Variants in TAMM41 observed in about 807,000 individuals in gnomAD.
TAMM41 encodes TAM41 mitochondrial translocator assembly and maintenance homolog, also known as phosphatidate cytidylyltransferase, mitochondrial.
In TAMM41, 36 loss-of-function variants were observed where a neutral mutation model predicts 44.1. That is an observed-to-expected ratio of 0.82 (90% confidence interval 0.63 to 1.08). The LOEUF (loss-of-function observed/expected upper bound fraction) is 1.08. TAMM41 is among the 50% of genes least tolerant of loss of function. TAMM41 has a pLI of 0.00. For missense variants in TAMM41, 417 were observed against 404.3 expected (o/e 1.03, Z -0.27); for synonymous variants, 164 against 153.1 (o/e 1.07, Z -0.53).
intron 3 of TAMM41, among the ~76,000 whole-genome samples, chr3:11,831,258 G>A (rs1240373935): frequency 6.6e-6 from 1 of 152,074 alleles, no homozygotes; most frequent in Admixed American, 6.5e-5. Flanking sequence ...AGGAGGCCTC[G>A]GTGAGGGCTG....
the TAMM41 span, among the ~76,000 whole-genome samples, chr3:11,723,463 C>T: frequency 6.6e-6 from 1 of 152,016 alleles, no homozygotes; most frequent in South Asian, 2.1e-4. Context: ...GCCTGTAAGT[C>T]CCAGCTACTT....
At chr3:11,844,271 G>A in intron 1 of TAMM41, 60 bp from the exon 2 acceptor site, 5 of 1,518,828 alleles carry the variant, frequency 3.3e-6, no homozygotes, top group Non-Finnish European at 4.5e-6. Context: ...CAGCAAGAGA[G>A]CATGGAAAAG....
chr3:11,736,077 C>A, the TAMM41 span, among the ~76,000 whole-genome samples: 1 of 152,208 alleles, frequency 6.6e-6, no homozygotes, highest in Non-Finnish European at 1.5e-5. Flanking sequence ...GTGCAGAAAT[C>A]TCTCCAAAGA....
chr3:11,770,243 T>C, the TAMM41 span, among the ~76,000 whole-genome samples: 1 of 152,162 alleles, frequency 6.6e-6, no homozygotes, highest in Non-Finnish European at 1.5e-5. Flanking sequence ...GGACTGCTCA[T>C]CAGTCAGTGT....
At chr3:11,798,429 C>G (rs2077664012) in intron 7 of TAMM41, among the ~76,000 whole-genome samples, 1 of 152,002 alleles carries the variant, frequency 6.6e-6, no homozygotes, top group South Asian at 2.1e-4. Flanking sequence ...TTCTCACTTA[C>G]AAGTAGGAGT....
At chr3:11,823,257 T>G (rs4684820) in intron 4 of TAMM41, among the ~76,000 whole-genome samples, 12,832 of 141,968 alleles carry the variant, frequency 0.09, 857 homozygotes, top group East Asian at 0.41. Flanking sequence ...TGTTGTTGTT[T>G]TTTTTTTTTT....
the TAMM41 span, among the ~76,000 whole-genome samples, chr3:11,736,554 T>C: frequency 1.3e-5 from 2 of 152,190 alleles, no homozygotes; most frequent in African/African-American, 2.4e-5. Context: ...ATAGGCCCAC[T>C]GTAGTGAGGG....
intron 3 of TAMM41, among the ~76,000 whole-genome samples, chr3:11,837,424 G>A (rs1220961235): frequency 6.6e-6 from 1 of 150,788 alleles, no homozygotes; most frequent in African/African-American, 2.4e-5. Context: ...AAAGAAGAAA[G>A]AAAAGTGACA....
intron 7 of TAMM41, chr3:11,807,584 G>T: frequency 6.5e-7 from 1 of 1,536,118 alleles, no homozygotes; most frequent in Admixed American, 2.0e-5. Flanking sequence ...CTGCACACAG[G>T]AAGTGTCTCA....
intron 3 of TAMM41, among the ~76,000 whole-genome samples, 196 bp downstream of exon 3, chr3:11,839,026 A>G (rs2079311708): frequency 6.6e-6 from 1 of 152,252 alleles, no homozygotes; most frequent in South Asian, 2.1e-4. Context: ...AAGGAAAAAA[A>G]CCAAATACAT....
chr3:11,762,842 C>T, the TAMM41 span, among the ~76,000 whole-genome samples: 1 of 152,126 alleles, frequency 6.6e-6, no homozygotes, highest in Non-Finnish European at 1.5e-5. Flanking sequence ...GGTGGATCAC[C>T]TGAGGTCAGG....
chr3:11,768,255 G>C, the TAMM41 span, among the ~76,000 whole-genome samples: 3 of 151,790 alleles, frequency 2.0e-5, no homozygotes, highest in African/African-American at 7.2e-5. Flanking sequence ...TCTCACCTCT[G>C]TCTCCTGAGT....
At chr3:11,752,625 C>CTTTTTTTTTTTTTTTTTTTTTTTTTTT in the TAMM41 span, among the ~76,000 whole-genome samples, 4 of 39,954 alleles carry the variant, frequency 1.0e-4, 1 homozygote, top group Non-Finnish European at 2.0e-4. Context: ...TCTTACAAAG[C>CTTTTTTTTTTTTTTTTTTTTTTTTTTT]TTTTTTTTTT....
At chr3:11,791,367 G>A (rs1011056557) in intron 7 of TAMM41, among the ~76,000 whole-genome samples, 5 of 152,178 alleles carry the variant, frequency 3.3e-5, no homozygotes, top group Admixed American at 6.5e-5. Flanking sequence ...AAGGCTCTCC[G>A]GGGGCTTAGG....
At chr3:11,833,534 A>C (rs2079065618) in intron 3 of TAMM41, among the ~76,000 whole-genome samples, 1 of 152,244 alleles carries the variant, frequency 6.6e-6, no homozygotes, top group Admixed American at 6.5e-5. Flanking sequence ...AGGATGAAGA[A>C]GAAACGCTGA....
the TAMM41 span, among the ~76,000 whole-genome samples, chr3:11,725,528 T>C: frequency 6.6e-6 from 1 of 151,436 alleles, no homozygotes; most frequent in Admixed American, 6.6e-5. Flanking sequence ...AGCCTTAACC[T>C]CCTAGGCTCA....
the TAMM41 span, among the ~76,000 whole-genome samples, chr3:11,728,674 T>C: frequency 6.6e-6 from 1 of 152,168 alleles, no homozygotes; most frequent in Admixed American, 6.5e-5. Flanking sequence ...AGAGCTGTGA[T>C]TGAGGGCGAT....
At chr3:11,744,753 ATGG>A in the TAMM41 span, among the ~76,000 whole-genome samples, 2 of 152,234 alleles carry the variant, frequency 1.3e-5, no homozygotes, top group East Asian at 3.9e-4. Flanking sequence ...TAGATTGGGC[ATGG>A]TGGCTCACTC....
chr3:11,757,726 C>T, the TAMM41 span, among the ~76,000 whole-genome samples: 15 of 152,152 alleles, frequency 9.9e-5, no homozygotes, highest in Admixed American at 6.5e-5. Context: ...TCTGATTCTG[C>T]GATTTAGAAG....
Sources: allele counts gnomAD v4.1 joint callset (sites outside exome capture counted in the v4.1 genomes callset), GRCh38; gene constraint gnomAD v4.1.1; transcripts MANE v1.5; gene names NCBI Gene and HGNC (gene_info 2026-07-23, HGNC 2026-07-21).